The following IL31RA variants were observed in gnomAD, a reference collection of about 807,000 sequenced individuals.
IL31RA encodes interleukin 31 receptor A.
IL31RA carries 66 observed loss-of-function variants against 83.7 expected under a neutral mutation model. That is an observed-to-expected ratio of 0.79 (90% confidence interval 0.65 to 0.97). IL31RA has a LOEUF of 0.97. Among genes scored for constraint, IL31RA ranks in the 50% least tolerant of loss-of-function variants. The probability of loss-of-function intolerance (pLI) is 0.00; values close to 1 mark genes in which losing one functional copy is unlikely to be tolerated. For missense variants in IL31RA, 798 were observed against 919.4 expected (o/e 0.87, Z 1.71); for synonymous variants, 325 against 329.0 (o/e 0.99, Z 0.13).
chr5:55,873,650 T>C (rs556407227), intron 4 of IL31RA, among the ~76,000 whole-genome samples: 1 of 152,244 alleles, frequency 6.6e-6, no homozygotes, highest in South Asian at 2.1e-4. Context: ...TTATCCAATG[T>C]CTAATGATAT....
intron 1 of IL31RA, among the ~76,000 whole-genome samples, chr5:55,852,497 A>G (rs1011914337): frequency 6.6e-6 from 1 of 152,086 alleles, no homozygotes; most frequent in Non-Finnish European, 1.5e-5. Flanking sequence ...TCATAATTAT[A>G]ATCTTCTAGG....
chr5:55,917,124 C>T lies in IL31RA; in HGVS notation c.*4C>T, dbSNP rs376586329. ...GCACACCAAGGGAGAAGTCTAAATG[C>T]GACCATAGCATGAGACCCTCGGGGC... On this transcript the variant is annotated 3_prime_UTR_variant, in exon 15 of 15. Coordinates refer to ENST00000652347, the MANE Select transcript of IL31RA (RefSeq NM_139017.7). 49 of 1,613,952 alleles carry T rather than the reference C, an allele frequency of 3.0e-5. No homozygotes were observed. Among genetic ancestry groups the T allele is most frequent in the Admixed American group, 5.0e-5 (3 of 60,000 alleles).
chr5:55,896,350 C>T lies in IL31RA; in HGVS notation c.773C>T (p.Ala258Val), dbSNP rs1282573493. The T allele has an allele frequency of 6.2e-7, 1 of 1,608,990 alleles. No individual in the cohort carries two copies. The highest frequency in any genetic ancestry group is 1.1e-5 in the South Asian group (1 of 90,966). The stretch of plus-strand genomic sequence containing the variant: ...AGTACCTCATTCTTGTTCCTTACAG[C>T]TCCATGTGGCCTGGAACTGTGGAGA... ...QEKMGMTEEE[A>V]PCGLELWRVL... Residue 258 changes from alanine to valine, a missense_variant and splice_region_variant, in exon 7 of 15, where the codon GCT becomes GTT. Ala to Val is a moderately conservative substitution (Grantham distance 64). Transcript: ENST00000652347.
In IL31RA at chr5:55,922,525, C is replaced by A; in HGVS notation, c.*5405C>A. The stretch of plus-strand genomic sequence containing the variant: ...CCAACTAGGAAGACTGAATCTGTGG[C>A]CCCAAGAGAACCATCTCTGAAGACT... On this transcript the variant is annotated 3_prime_UTR_variant, in exon 15 of 15. Transcript: ENST00000652347. 5.5e-6 allele frequency: 6 copies of A among 1,099,204 alleles called. No individual in the cohort carries two copies. The highest frequency in any genetic ancestry group is 3.0e-5 in the South Asian group (2 of 67,712). 68.1% of individuals were successfully genotyped at this position (1,099,204 alleles called of 1,614,324 possible). A position where few individuals can be genotyped will look rare whatever the true frequency, so the allele number is the denominator to read the frequency against.
At chr5:55,908,438 A>G (rs1438052333) in intron 11 of IL31RA, 27 bp downstream of exon 11, 4 of 1,614,212 alleles carry the variant, frequency 2.5e-6, no homozygotes, top group Non-Finnish European at 3.4e-6. Flanking sequence ...CGAAGTGGAA[A>G]AAAACCCCAA....
At chr5:55,907,523 A>G in intron 10 of IL31RA, 63 bp downstream of exon 10, 1 of 1,093,898 alleles carries the variant, frequency 9.1e-7, no homozygotes, top group Non-Finnish European at 1.4e-6. Flanking sequence ...CATGCCGATA[A>G]GGCTGCAAGT....
intron 1 of IL31RA, among the ~76,000 whole-genome samples, chr5:55,851,956 T>A (rs990376932): frequency 6.6e-6 from 1 of 152,210 alleles, no homozygotes; most frequent in South Asian, 2.1e-4. Flanking sequence ...ATAATTTTTG[T>A]GGAGTTTCCT....
chr5:55,867,296 T>TGTGC (rs1746230977), intron 2 of IL31RA, among the ~76,000 whole-genome samples: 2 of 98,266 alleles, frequency 2.0e-5, no homozygotes, highest in Admixed American at 9.0e-5. Flanking sequence ...TGTGCATGTG[T>TGTGC]GTGTGTGCGT....
At position 55,919,002 on chromosome 5, in the gene IL31RA, T is replaced by C. The variant is rs188313902; in HGVS notation, c.*1882T>C. Among the ~76,000 whole-genome samples the C allele has an allele frequency of 1.3e-4, 20 of 152,300 alleles. No individual in the cohort carries two copies. Among genetic ancestry groups the C allele is most frequent in the African/African-American group, 3.6e-4 (15 of 41,570 alleles). ...CGTCCAATTCTCATGCCGCCCCTGATGTCTGCTCTCCCTGCTCTCCCTGTT... is the reference window on the plus strand; with the variant it reads ...CGTCCAATTCTCATGCCGCCCCTGACGTCTGCTCTCCCTGCTCTCCCTGTT... On this transcript the variant is annotated 3_prime_UTR_variant, in exon 15 of 15. Coordinates refer to ENST00000652347, the MANE Select transcript of IL31RA (RefSeq NM_139017.7).
chr5:55,920,491 G>A lies in IL31RA; in HGVS notation c.*3371G>A, dbSNP rs1193531909. ...CACGTAGTGTTGACAAAGTGTAATT[G>A]GAACACAGCCATGCCCATCGTTGAC... is the stretch of plus-strand genomic sequence containing the variant. On this transcript the variant is annotated 3_prime_UTR_variant, in exon 15 of 15. Coordinates refer to ENST00000652347, the MANE Select transcript of IL31RA (RefSeq NM_139017.7). 6.6e-6 allele frequency among the ~76,000 whole-genome samples: 1 copy of A among 152,244 alleles called. No individual in the cohort carries two copies. Among genetic ancestry groups the A allele is most frequent in the Non-Finnish European group, 1.5e-5 (1 of 68,044 alleles).
intron 8 of IL31RA, among the ~76,000 whole-genome samples, chr5:55,901,605 ATT>A (rs1748813956): frequency 6.8e-6 from 1 of 148,124 alleles, no homozygotes; most frequent in South Asian, 2.1e-4. Context: ...TATTATTATT[ATT>A]ATTATTATTA....
Position 55,906,200 on chromosome 5 carries a change from G to GT in IL31RA, c.1164_1165insT (p.Ile389TyrfsTer2). The GT allele has an allele frequency of 6.2e-7, 1 of 1,614,206 alleles. No individual in the cohort carries two copies. The highest frequency in any genetic ancestry group is 8.5e-7 in the Non-Finnish European group (1 of 1,180,036). ...CTGCTCTAGACGTGAACACTTGGAT[G>GT]ATTGAATGGTTTCCGGATGTGGACT... On this transcript the variant is annotated frameshift_variant, in exon 9 of 15. Transcript: ENST00000652347. LOFTEE classifies it high-confidence loss of function.
At chr5:55,864,290 G>GACACACAC (rs35236053) in intron 2 of IL31RA, among the ~76,000 whole-genome samples, 9 of 144,488 alleles carry the variant, frequency 6.2e-5, no homozygotes, top group African/African-American at 1.3e-4. Context: ...TATACACACA[G>GACACACAC]ACACACACAC....
intron 2 of IL31RA, among the ~76,000 whole-genome samples, chr5:55,862,536 G>C (rs1312571013): frequency 6.6e-6 from 1 of 152,176 alleles, no homozygotes; most frequent in Admixed American, 6.5e-5. Context: ...AGCTTCCTGA[G>C]TAGATAGGAT....
In IL31RA at chr5:55,889,957, C is replaced by A; in HGVS notation, c.607-13C>A. On this transcript the variant is annotated splice_polypyrimidine_tract_variant and intron_variant, in intron 5 of 14. Transcript: ENST00000652347. ...GGTCTCCATTTCAGTTTAGGATTGT[C>A]TCTGTCTTGTAGATGGAAGTCAACT... 6.2e-7 allele frequency: 1 copy of A among 1,613,684 alleles called. No individual in the cohort carries two copies. The highest frequency in any genetic ancestry group is 1.1e-5 in the South Asian group (1 of 91,062).
intron 4 of IL31RA, among the ~76,000 whole-genome samples, chr5:55,875,616 CA>C (rs1160933187): frequency 2.6e-5 from 4 of 152,068 alleles, no homozygotes; most frequent in Non-Finnish European, 4.4e-5. Context: ...TGGAAGGGGA[CA>C]AGATTATTCA....
At chr5:55,839,867 C>G in the IL31RA span, 1 of 739,868 alleles carries the variant, frequency 1.4e-6, no homozygotes. Flanking sequence ...AGCCTTGTCA[C>G]CCAGCCTGCC....
In IL31RA at chr5:55,916,791, G is replaced by A. The variant is rs1384241315; in HGVS notation, c.1966G>A (p.Ala656Thr). 3 of 1,614,100 alleles carry A rather than the reference G, an allele frequency of 1.9e-6. No homozygotes were observed. In the East Asian group the frequency reaches 6.7e-5, roughly 36 times the overall value. Residue 656 changes from alanine (A) to threonine (T), a missense_variant, in exon 15 of 15, where the codon GCC (alanine) becomes ACC (threonine). Ala to Thr is a moderately conservative substitution (Grantham distance 58). Coordinates refer to ENST00000652347, the MANE Select transcript of IL31RA (RefSeq NM_139017.7). The stretch of plus-strand genomic sequence containing the variant: ...TCTGCAAGAAATTTTCACAGATGAA[G>A]CCAGAACGGGTCAGGAAAACAATTT... ...NVLQEIFTDE[A>T]RTGQENNLGG... is the part of the protein sequence containing the mutation.
At chr5:55,907,036 C>G (rs1749199173) in intron 9 of IL31RA, among the ~76,000 whole-genome samples, 1 of 152,194 alleles carries the variant, frequency 6.6e-6, no homozygotes, top group African/African-American at 2.4e-5. Context: ...ATATGTTGTT[C>G]TAGAACTTAA....
Sources: allele counts gnomAD v4.1 joint callset (sites outside exome capture counted in the v4.1 genomes callset), GRCh38; gene constraint gnomAD v4.1.1; transcripts MANE v1.5; gene names NCBI Gene and HGNC (gene_info 2026-07-23, HGNC 2026-07-21).